The following SGCD variants were observed in gnomAD, a reference collection of about 807,000 sequenced individuals.
SGCD encodes the protein sarcoglycan delta.
A neutral mutation model predicts 36.6 loss-of-function variants in SGCD; 18 were observed. The observed-to-expected ratio is 0.49, with a 90% CI of 0.34 to 0.73. SGCD has a LOEUF of 0.73. Ranked by LOEUF, SGCD falls within the 30% of genes least tolerant of loss-of-function variation. The probability of loss-of-function intolerance (pLI) is 0.01; values close to 1 mark genes in which losing one functional copy is unlikely to be tolerated. For missense variants in SGCD, 387 were observed against 346.7 expected, an observed-to-expected ratio of 1.12 and a Z score of -0.92; for synonymous variants, 133 against 130.6, an observed-to-expected ratio of 1.02 and a Z score of -0.12.
chr5:156,387,952 C>G (rs955317995), intron 3 of SGCD, among the ~76,000 whole-genome samples: 8 of 152,168 alleles, frequency 5.3e-5, no homozygotes, highest in African/African-American at 1.7e-4. Flanking sequence ...TCTTCCCTTT[C>G]TATTTCAACT....
Position 156,470,276 on chromosome 5 carries a change from G to T in SGCD, c.193-38325G>T, listed in dbSNP as rs552448933. Among the ~76,000 whole-genome samples, 4 of 152,000 alleles carry T rather than the reference G, an allele frequency of 2.6e-5. 1 individual carries two copies. The highest frequency in any genetic ancestry group is 9.6e-5 in the African/African-American group (4 of 41,452). On this transcript the variant is annotated intron_variant, in intron 3 of 8. Coordinates refer to ENST00000337851, the MANE Select transcript of SGCD (RefSeq NM_000337.6). ...TACGTGAGAAGATATTAAAATAGAA[G>T]AATTATTCCATATGCTATTTGTCTA...
At chr5:156,180,295 A>G (rs1763571989) in intron 3 of SGCD, among the ~76,000 whole-genome samples, 1 of 152,196 alleles carries the variant, frequency 6.6e-6, no homozygotes. Flanking sequence ...CTTTTACTCT[A>G]AGATAGGGAA....
intron 3 of SGCD, among the ~76,000 whole-genome samples, chr5:156,221,859 G>A (rs1260423225): frequency 6.6e-6 from 1 of 151,998 alleles, no homozygotes; most frequent in Non-Finnish European, 1.5e-5. Context: ...AAGTTTCAAA[G>A]AGGTTAAATA....
chr5:156,427,694 A>T (rs1773736381), intron 3 of SGCD, among the ~76,000 whole-genome samples: 1 of 151,890 alleles, frequency 6.6e-6, no homozygotes, highest in African/African-American at 2.4e-5. Flanking sequence ...GGCTTTTATT[A>T]CTTTGAGGTA....
At chr5:156,104,809 ATCT>A (rs1422057180) in intron 1 of SGCD, among the ~76,000 whole-genome samples, 9 of 152,224 alleles carry the variant, frequency 5.9e-5, no homozygotes, top group Non-Finnish European at 1.0e-4. Context: ...AATTTTTCAA[ATCT>A]TCTTAAACCT....
chr5:156,575,183 G>A (rs1217975410), intron 4 of SGCD, among the ~76,000 whole-genome samples: 2 of 152,196 alleles, frequency 1.3e-5, no homozygotes, highest in Non-Finnish European at 2.9e-5. Flanking sequence ...CATGTGAAAA[G>A]CGTATCTTAA....
rs565764750 is a variant in SGCD, at chr5:156,060,352, C to T, written c.-281-57526C>T. On this transcript the variant is annotated intron_variant, in intron 1 of 9. Transcript: ENST00000517913. The stretch of plus-strand genomic sequence containing the variant: ...AATATTACCTGATGAGAGTTGAACA[C>T]TACAAGATTTCCCTGGAATTGGTTT... Among the ~76,000 whole-genome samples, 2 of 142,092 alleles carry T rather than the reference C, an allele frequency of 1.4e-5. 1 individual carries two copies. Among genetic ancestry groups the T allele is most frequent in the Non-Finnish European group, 3.1e-5 (2 of 64,814 alleles). 93.2% of individuals were successfully genotyped at this position (142,092 alleles called of 152,430 possible). A position where few individuals can be genotyped will look rare whatever the true frequency, so the allele number is the denominator to read the frequency against.
chr5:156,575,368 T>G (rs1759893201), intron 4 of SGCD, among the ~76,000 whole-genome samples: 1 of 152,202 alleles, frequency 6.6e-6, no homozygotes, highest in Admixed American at 6.5e-5. Context: ...CAACCAGTGC[T>G]GAAGTCTTTT....
rs1263516515 is a variant in SGCD, at chr5:156,455,908, GAGATT to G, written c.193-52689_193-52685del. Among the ~76,000 whole-genome samples the G allele has an allele frequency of 3.3e-5, 5 of 152,294 alleles. No individual in the cohort carries two copies. In the East Asian group the frequency reaches 9.7e-4, roughly 29 times the overall value. On this transcript the variant is annotated intron_variant, in intron 3 of 8. Coordinates refer to ENST00000337851, the MANE Select transcript of SGCD (RefSeq NM_000337.6). ...AGAATGCTGCATGACAACAGAGGCA[GAGATT>G]AGACTGATGCAGCTATAGGCCGGGA... is the stretch of plus-strand genomic sequence containing the variant.
At chr5:155,852,389 G>A in the SGCD span, among the ~76,000 whole-genome samples, 1 of 152,128 alleles carries the variant, frequency 6.6e-6, no homozygotes, top group East Asian at 1.9e-4. Flanking sequence ...TGCAGATAAG[G>A]TCTTTTTGAC....
intron 2 of SGCD, among the ~76,000 whole-genome samples, chr5:156,338,174 G>GTTTT (rs144529160): frequency 1.3e-5 from 2 of 151,912 alleles, no homozygotes; most frequent in African/African-American, 2.4e-5. Flanking sequence ...TTTTTTGTTT[G>GTTTT]TTTGTTTACA....
At chr5:155,817,931 TTAAAA>T in the SGCD span, among the ~76,000 whole-genome samples, 1 of 152,294 alleles carries the variant, frequency 6.6e-6, no homozygotes, top group East Asian at 1.9e-4. Flanking sequence ...AAATTGTAAG[TTAAAA>T]TAAAGCAAAG....
At chr5:155,869,459 A>G (rs1755588277), upstream of SGCD, among the ~76,000 whole-genome samples, 1 of 152,066 alleles carries the variant, frequency 6.6e-6, no homozygotes, top group East Asian at 1.9e-4. Context: ...CAGTCATTAT[A>G]ATGACCCTGT....
chr5:156,506,110 A>T (rs1756682680), intron 3 of SGCD, among the ~76,000 whole-genome samples: 1 of 152,202 alleles, frequency 6.6e-6, no homozygotes, highest in South Asian at 2.1e-4. Context: ...AAAACTAACA[A>T]ATTTTACATT....
the SGCD span, among the ~76,000 whole-genome samples, chr5:155,768,019 G>A: frequency 3.3e-5 from 5 of 152,098 alleles, no homozygotes; most frequent in Admixed American, 2.0e-4. Flanking sequence ...ATATATTGAA[G>A]AACATGGACC....
chr5:156,484,169 GA>G (rs1321163341), intron 3 of SGCD, among the ~76,000 whole-genome samples: 1 of 152,186 alleles, frequency 6.6e-6, no homozygotes, highest in African/African-American at 2.4e-5. Context: ...TGTCATTAAA[GA>G]AAAGGGAAAC....
At chr5:156,030,657 G>T (rs552951186) in intron 1 of SGCD, among the ~76,000 whole-genome samples, 7 of 152,270 alleles carry the variant, frequency 4.6e-5, no homozygotes, top group Non-Finnish European at 1.0e-4. Flanking sequence ...GGAAAGGACG[G>T]GTGAGTTGAA....
chr5:156,077,401 C>A (rs1006415657), intron 1 of SGCD, among the ~76,000 whole-genome samples: 1 of 152,068 alleles, frequency 6.6e-6, no homozygotes, highest in Middle Eastern at 3.2e-3. Flanking sequence ...GATTGAGCAA[C>A]AAAAATATTC....
chr5:156,554,279 C>T (rs1758913895), intron 4 of SGCD, among the ~76,000 whole-genome samples: 1 of 150,950 alleles, frequency 6.6e-6, no homozygotes, highest in South Asian at 2.1e-4. Flanking sequence ...TGCTTGAAAT[C>T]AGGAGGCGAA....
Sources: gnomAD v4.1 joint callset for allele counts (sites outside exome capture counted in the v4.1 genomes callset) on GRCh38, gnomAD v4.1.1 for gene constraint, MANE v1.5 for transcripts, NCBI Gene and HGNC (gene_info 2026-07-23, HGNC 2026-07-21) for gene names.